Variants in NR6A1 observed in about 807,000 individuals in gnomAD.
The protein encoded by NR6A1 is nuclear receptor subfamily 6 group A member 1.
In NR6A1, 7 loss-of-function variants were observed where a neutral mutation model predicts 59.1. That is an observed-to-expected ratio of 0.12 (90% CI 0.07 to 0.22). The LOEUF (loss-of-function observed/expected upper bound fraction) is 0.22. NR6A1 is among the 10% of genes least tolerant of loss of function. The pLI, the probability that NR6A1 is intolerant of heterozygous loss-of-function variation, is 1.00. For missense variants in NR6A1, 468 were observed against 611.6 expected (o/e 0.77, Z 2.48); for synonymous variants, 243 against 236.1 (o/e 1.03, Z -0.27).
chr9:124,663,447 TAC>T (rs1401949288), intron 2 of NR6A1, among the ~76,000 whole-genome samples: 2 of 152,218 alleles, frequency 1.3e-5, no homozygotes, highest in South Asian at 2.1e-4. Context: ...CCTTATTTAC[TAC>T]AGGATCTTGT....
intron 3 of NR6A1, among the ~76,000 whole-genome samples, chr9:124,552,327 A>C (rs1468522132): frequency 6.6e-6 from 1 of 152,158 alleles, no homozygotes; most frequent in African/African-American, 2.4e-5. Flanking sequence ...AAAAGATTTC[A>C]ATAAGAGGAA....
At chr9:124,625,617 C>A (rs1021849210) in intron 2 of NR6A1, among the ~76,000 whole-genome samples, 2 of 152,000 alleles carry the variant, frequency 1.3e-5, no homozygotes. Context: ...CTAGTGTGTT[C>A]TTCATTAATT....
At chr9:124,650,112 C>T (rs991091431) in intron 2 of NR6A1, among the ~76,000 whole-genome samples, 1 of 152,126 alleles carries the variant, frequency 6.6e-6, no homozygotes, top group African/African-American at 2.4e-5. Flanking sequence ...AAAGGAAATC[C>T]GTATATCAAA....
intron 2 of NR6A1, among the ~76,000 whole-genome samples, chr9:124,676,653 G>A (rs938750258): frequency 2.6e-5 from 4 of 152,156 alleles, no homozygotes; most frequent in African/African-American, 7.2e-5. Context: ...CTCTCCTAAA[G>A]TAGTGATAAT....
chr9:124,576,853 T>A (rs1489177208), intron 2 of NR6A1, among the ~76,000 whole-genome samples: 1 of 152,140 alleles, frequency 6.6e-6, no homozygotes, highest in Non-Finnish European at 1.5e-5. Flanking sequence ...GCTCAGGAGT[T>A]TGAGACCAGC....
chr9:124,713,353 T>C (rs532327561), intron 2 of NR6A1, among the ~76,000 whole-genome samples: 1 of 150,768 alleles, frequency 6.6e-6, no homozygotes, highest in East Asian at 1.9e-4. Flanking sequence ...CAATGGTTTA[T>C]TGGATATGAT....
At position 124,763,964 on chromosome 9, in the gene NR6A1, A is replaced by C. The variant is rs542428676; in HGVS notation, c.100+7056T>G. The stretch of plus-strand genomic sequence containing the variant: ...TTTGGGAGACTGAGGCACGTGGATC[A>C]CTTGAGGTCAGGAGTTCGAAACCAG... On this transcript the variant is annotated intron_variant, in intron 1 of 9. Transcript: ENST00000487099. Among the ~76,000 whole-genome samples, 6 of 152,252 alleles carry C rather than the reference A, an allele frequency of 3.9e-5. No homozygotes were observed. In the South Asian group the frequency reaches 1.2e-3, roughly 32 times the overall value.
At chr9:124,730,512 G>C (rs1191801881) in intron 2 of NR6A1, among the ~76,000 whole-genome samples, 3 of 151,542 alleles carry the variant, frequency 2.0e-5, no homozygotes. Flanking sequence ...TGGAATTACA[G>C]GCATGAGCCA....
At chr9:124,657,904 T>C (rs1224404988) in intron 2 of NR6A1, among the ~76,000 whole-genome samples, 1 of 152,220 alleles carries the variant, frequency 6.6e-6, no homozygotes, top group East Asian at 1.9e-4. Context: ...TTAAGAGCAA[T>C]TTATATCATA....
chr9:124,594,585 C>G (rs1356511218), intron 2 of NR6A1, among the ~76,000 whole-genome samples: 1 of 152,190 alleles, frequency 6.6e-6, no homozygotes, highest in African/African-American at 2.4e-5. Flanking sequence ...AATTTCTATG[C>G]ATACTGGGGG....
At chr9:124,760,062 C>T (rs1335524550) in intron 1 of NR6A1, among the ~76,000 whole-genome samples, 1 of 149,164 alleles carries the variant, frequency 6.7e-6, no homozygotes, top group Non-Finnish European at 1.5e-5. Context: ...AAACAACCAC[C>T]ATGAGGTGGG....
chr9:124,574,280 G>C (rs1175017742), intron 2 of NR6A1, among the ~76,000 whole-genome samples: 1 of 152,188 alleles, frequency 6.6e-6, no homozygotes, highest in Non-Finnish European at 1.5e-5. Context: ...TGGTTTCAGA[G>C]TTTCAAGATA....
chr9:124,683,268 A>AAAAGGC (rs1838230607), intron 2 of NR6A1, among the ~76,000 whole-genome samples: 1 of 149,860 alleles, frequency 6.7e-6, no homozygotes, highest in Non-Finnish European at 1.5e-5. Flanking sequence ...AAGGAAAAGG[A>AAAAGGC]AAAGACAAGA....
intron 2 of NR6A1, among the ~76,000 whole-genome samples, chr9:124,572,922 T>C (rs913719071): frequency 6.6e-6 from 1 of 152,210 alleles, no homozygotes; most frequent in African/African-American, 2.4e-5. Flanking sequence ...AGCATTAAAG[T>C]GAGGCCTGAA....
At chr9:124,733,452 A>C (rs1839939533) in intron 1 of NR6A1, 103 bp from the exon 2 acceptor site, 1 of 888,058 alleles carries the variant, frequency 1.1e-6, no homozygotes, top group African/African-American at 1.6e-5. Context: ...TATACTCAGA[A>C]GTCAATTTGG....
intron 1 of NR6A1, among the ~76,000 whole-genome samples, chr9:124,766,495 T>G (rs1013938650): frequency 6.6e-6 from 1 of 152,240 alleles, no homozygotes; most frequent in African/African-American, 2.4e-5. Flanking sequence ...GAACTTTGAT[T>G]TTTCTAATTC....
At chr9:124,646,156 A>G (rs1486672409) in intron 2 of NR6A1, among the ~76,000 whole-genome samples, 1 of 152,188 alleles carries the variant, frequency 6.6e-6, no homozygotes, top group Non-Finnish European at 1.5e-5. Context: ...ATATGTTAGA[A>G]AAGACAACCT....
chr9:124,693,672 G>GCCAGGAGTCAC (rs766779200), intron 2 of NR6A1: 2 of 532,128 alleles, frequency 3.8e-6, no homozygotes, highest in East Asian at 1.1e-4. Flanking sequence ...CCAGGAGTCA[G>GCCAGGAGTCAC]CCAGGGAGGG....
intron 3 of NR6A1, among the ~76,000 whole-genome samples, chr9:124,552,309 G>C (rs1405981930): frequency 6.6e-6 from 1 of 152,202 alleles, no homozygotes; most frequent in East Asian, 1.9e-4. Context: ...TTTGGTATTG[G>C]TGGCTGGAAA....
Sources: gnomAD v4.1 joint callset for allele counts (sites outside exome capture counted in the v4.1 genomes callset) on GRCh38, gnomAD v4.1.1 for gene constraint, MANE v1.5 for transcripts, NCBI Gene and HGNC (gene_info 2026-07-23, HGNC 2026-07-21) for gene names.